The following SOX6 variants were observed in gnomAD, a reference collection of about 807,000 sequenced individuals.
The protein encoded by SOX6 is SRY-box transcription factor 6.
In SOX6, 11 loss-of-function variants were observed where a neutral mutation model predicts 97.8. The ratio of observed to expected loss-of-function variants is 0.11; its 90% confidence interval spans 0.07 to 0.19. SOX6 has a LOEUF of 0.19. SOX6 is among the 10% of genes least tolerant of loss of function. The pLI is 1.00. For missense variants in SOX6, 810 were observed against 1,039.5 expected, an observed-to-expected ratio of 0.78 and a Z score of 3.04; for synonymous variants, 360 against 371.4, an observed-to-expected ratio of 0.97 and a Z score of 0.35.
intron 4 of SOX6, among the ~76,000 whole-genome samples, chr11:16,513,709 T>C (rs887094745): frequency 6.6e-6 from 1 of 152,088 alleles, no homozygotes; most frequent in Non-Finnish European, 1.5e-5. Context: ...GTAATGTTGC[T>C]GAGAAGATGT....
chr11:16,365,910 A>G (rs1857346733), intron 1 of SOX6, among the ~76,000 whole-genome samples: 1 of 152,142 alleles, frequency 6.6e-6, no homozygotes, highest in South Asian at 2.1e-4. Flanking sequence ...AGAAAAGGAT[A>G]TATTTCTGGT....
At chr11:16,021,113 T>C (rs1242214990) in intron 12 of SOX6, among the ~76,000 whole-genome samples, 1 of 152,176 alleles carries the variant, frequency 6.6e-6, no homozygotes, top group East Asian at 1.9e-4. Flanking sequence ...TGAGTTTAAC[T>C]TGGAATTTCT....
intron 4 of SOX6, among the ~76,000 whole-genome samples, chr11:16,222,068 A>G (rs1852554278): frequency 6.6e-6 from 1 of 152,158 alleles, no homozygotes; most frequent in African/African-American, 2.4e-5. Flanking sequence ...AAATGAGGTC[A>G]GATTGCCTTC....
chr11:16,640,327 G>A (rs1257989300), intron 3 of SOX6, among the ~76,000 whole-genome samples: 1 of 152,142 alleles, frequency 6.6e-6, no homozygotes, highest in Non-Finnish European at 1.5e-5. Context: ...TTTTACTGAG[G>A]ATTTTTGCAT....
intron 1 of SOX6, among the ~76,000 whole-genome samples, chr11:16,390,684 T>G (rs1369653550): frequency 6.6e-6 from 1 of 152,086 alleles, no homozygotes; most frequent in African/African-American, 2.4e-5. Context: ...CTTCCCTGAC[T>G]GGAAACAACA....
chr11:16,483,048 C>T (rs941739306), intron 4 of SOX6, among the ~76,000 whole-genome samples: 1 of 152,178 alleles, frequency 6.6e-6, no homozygotes, highest in Non-Finnish European at 1.5e-5. Context: ...CTAGCAATTT[C>T]CCATTACGAT....
intron 6 of SOX6, among the ~76,000 whole-genome samples, chr11:16,174,606 A>G (rs1354126377): frequency 6.6e-6 from 1 of 151,974 alleles, no homozygotes; most frequent in East Asian, 1.9e-4. Flanking sequence ...ATCAATTTTT[A>G]TTTCCCATCT....
In SOX6 at chr11:16,186,897, C is replaced by T. The variant is rs1360074621; in HGVS notation, c.594G>A (p.Leu198=). 6.2e-7 allele frequency: 1 copy of T among 1,613,696 alleles called. No individual in the cohort carries two copies. Among genetic ancestry groups the T allele is most frequent in the Non-Finnish European group, 8.5e-7 (1 of 1,179,852 alleles). ...CCAGTAGCTGCTCCCGTAAACTGAT[C>T]AGCTGGGTAATCATGGTGGAGAGCT... ...ERQLSTMITQ[L]ISLREQLLAA... Residue 198 remains leucine, a synonymous_variant, in exon 5 of 16, where the codon CTG becomes CTA. Coordinates refer to ENST00000683767, the MANE Select transcript of SOX6 (RefSeq NM_001367873.1).
At chr11:16,324,416 A>G (rs887767248) in intron 2 of SOX6, among the ~76,000 whole-genome samples, 7 of 152,266 alleles carry the variant, frequency 4.6e-5, no homozygotes, top group Non-Finnish European at 1.0e-4. Context: ...AGTTATTCCA[A>G]TTGTAGGAAT....
chr11:16,522,056 G>T (rs1013736742), intron 4 of SOX6, among the ~76,000 whole-genome samples: 6 of 152,172 alleles, frequency 3.9e-5, no homozygotes, highest in African/African-American at 9.7e-5. Context: ...AAAACACTCT[G>T]CAGGATATTA....
At chr11:16,469,553 C>A (rs1860104163) in intron 1 of SOX6, among the ~76,000 whole-genome samples, 1 of 152,066 alleles carries the variant, frequency 6.6e-6, no homozygotes, top group African/African-American at 2.4e-5. Context: ...CTCAGCTATA[C>A]TGGAAAAACC....
At chr11:16,150,626 C>G (rs1243314584) in intron 6 of SOX6, among the ~76,000 whole-genome samples, 1 of 152,184 alleles carries the variant, frequency 6.6e-6, no homozygotes, top group African/African-American at 2.4e-5. Flanking sequence ...AGCCAGCCAT[C>G]AGACCAGCCA....
intron 12 of SOX6, among the ~76,000 whole-genome samples, chr11:16,017,275 A>G (rs886107874): frequency 6.6e-6 from 1 of 152,124 alleles, no homozygotes; most frequent in African/African-American, 2.4e-5. Flanking sequence ...TTGAAAAAAA[A>G]ATCTTCTGCA....
intron 13 of SOX6, among the ~76,000 whole-genome samples, chr11:16,002,785 T>G (rs1199061664): frequency 1.3e-5 from 2 of 152,188 alleles, no homozygotes; most frequent in African/African-American, 4.8e-5. Context: ...ATTCAGCAGC[T>G]TTTGGCTTTA....
chr11:16,545,466 A>C (rs767457812), intron 4 of SOX6, among the ~76,000 whole-genome samples: 49 of 152,198 alleles, frequency 3.2e-4, no homozygotes, highest in Admixed American at 2.5e-3. Flanking sequence ...ACCTTAATGT[A>C]ATAAAGTCCA....
intron 4 of SOX6, among the ~76,000 whole-genome samples, chr11:16,497,661 G>A (rs539181329): frequency 7.2e-5 from 11 of 152,320 alleles, no homozygotes; most frequent in African/African-American, 2.4e-4. Context: ...TGAGAACTAC[G>A]TGACGAATGC....
chr11:16,101,231 C>T (rs1848939118), intron 7 of SOX6, among the ~76,000 whole-genome samples: 1 of 151,678 alleles, frequency 6.6e-6, no homozygotes, highest in African/African-American at 2.4e-5. Context: ...AATTCCTCTA[C>T]ACTCTGAGGG....
intron 1 of SOX6, among the ~76,000 whole-genome samples, chr11:16,385,610 C>T (rs996208229): frequency 6.6e-6 from 1 of 151,904 alleles, no homozygotes; most frequent in Non-Finnish European, 1.5e-5. Context: ...ATGTTGGGAG[C>T]ATATTTTAAT....
chr11:16,318,624 T>C lies in SOX6; in HGVS notation c.267A>G (p.Leu89=). 1.2e-6 allele frequency: 2 copies of C among 1,613,204 alleles called. No individual in the cohort carries two copies. The highest frequency in any genetic ancestry group is 1.7e-6 in the Non-Finnish European group (2 of 1,179,410). Residue 89 remains leucine, a synonymous_variant, in exon 3 of 16, where the codon CTA becomes CTG. Coordinates refer to ENST00000683767, the MANE Select transcript of SOX6 (RefSeq NM_001367873.1). ...AGGTAGAGGTATTTCGGAAGGAATA[T>C]AGGGAACATAACTTATTATTCTCTG... ...MESENNKLCS[L]YSFRNTSTSP...
Sources: allele counts gnomAD v4.1 joint callset (sites outside exome capture counted in the v4.1 genomes callset), GRCh38; gene constraint gnomAD v4.1.1; transcripts MANE v1.5; gene names NCBI Gene and HGNC (gene_info 2026-07-23, HGNC 2026-07-21).